The following FAT3 variants were observed in gnomAD, a reference collection of about 807,000 sequenced individuals.
FAT3 encodes FAT atypical cadherin 3.
In FAT3, 95 loss-of-function variants were observed where a neutral mutation model predicts 310.2. The observed-to-expected ratio is 0.31, with a 90% confidence interval of 0.26 to 0.36. The LOEUF (loss-of-function observed/expected upper bound fraction) is 0.36, where lower values mean the gene tolerates loss of function less well. Ranked by LOEUF, FAT3 falls within the 10% of genes least tolerant of loss-of-function variation. FAT3 has a pLI of 1.00. For synonymous variants in FAT3, 2,314 were observed against 2,192.9 expected (o/e 1.06, Z -1.54); for missense variants, 5,408 against 5,715.6 (o/e 0.95, Z 1.74).
intron 4 of FAT3, among the ~76,000 whole-genome samples, chr11:92,746,178 A>G (rs1433546767): frequency 1.3e-5 from 2 of 152,230 alleles, no homozygotes; most frequent in Admixed American, 6.5e-5. Context: ...GTCTGTTCTC[A>G]TGCTGCTAAT....
chr11:92,694,246 G>A (rs978209739), intron 3 of FAT3, among the ~76,000 whole-genome samples: 2 of 152,006 alleles, frequency 1.3e-5, no homozygotes, highest in South Asian at 2.1e-4. Flanking sequence ...ATTTCCTACC[G>A]ATTTCCACTT....
chr11:92,335,150 A>G (rs1948030333), intron 1 of FAT3, among the ~76,000 whole-genome samples: 3 of 151,790 alleles, frequency 2.0e-5, no homozygotes, highest in Non-Finnish European at 4.4e-5. Context: ...ATTTGTCCCC[A>G]TCTTATGTGT....
chr11:92,579,467 T>A (rs1187359394), intron 3 of FAT3, among the ~76,000 whole-genome samples: 1 of 152,132 alleles, frequency 6.6e-6, no homozygotes, highest in Non-Finnish European at 1.5e-5. Flanking sequence ...TGGAGATATA[T>A]TCAATAATAG....
chr11:92,290,174 C>A (rs1946655178), intron 1 of FAT3, among the ~76,000 whole-genome samples: 2 of 151,996 alleles, frequency 1.3e-5, no homozygotes, highest in Admixed American at 6.6e-5. Flanking sequence ...ATCTGAATAC[C>A]CTATTGCCTG....
chr11:92,753,798 G>GTGTGTGTATATATATATATATA, intron 4 of FAT3, among the ~76,000 whole-genome samples: 1 of 119,182 alleles, frequency 8.4e-6, no homozygotes, highest in African/African-American at 3.9e-5. Flanking sequence ...GTGTGTGTGT[G>GTGTGTGTATATATATATATATA]TATATATATA....
Position 92,883,823 on chromosome 11 carries a change from G to C in FAT3, c.12937+430G>C, listed in dbSNP as rs772203086. Among the ~76,000 whole-genome samples, 3 of 152,230 alleles carry C rather than the reference G, an allele frequency of 2.0e-5. No individual in the cohort carries two copies. The highest frequency in any genetic ancestry group is 4.4e-5 in the Non-Finnish European group (3 of 68,048). On this transcript the variant is annotated intron_variant, in intron 24 of 27. Transcript: ENST00000525166. The surrounding 1 kb of genome is among the most constrained non-coding windows in gnomAD (Gnocchi z 4.2). ...CAAAAAGCCACTTGAGTGATGTCCA[G>C]AAGTGTGCTCTGGAAGGCTGGAAGA... is the stretch of plus-strand genomic sequence containing the variant.
chr11:92,401,288 A>G (rs1950007593), intron 2 of FAT3, among the ~76,000 whole-genome samples: 2 of 152,178 alleles, frequency 1.3e-5, no homozygotes, highest in South Asian at 2.1e-4. Context: ...CTGGAACTCT[A>G]CCAGGTGCTC....
At chr11:92,270,023 C>T (rs576597992) in intron 1 of FAT3, among the ~76,000 whole-genome samples, 1 of 152,232 alleles carries the variant, frequency 6.6e-6, no homozygotes, top group Admixed American at 6.5e-5. Context: ...TGTCTGCTTA[C>T]TGTTTTGGCT....
At position 92,816,573 on chromosome 11, in the gene FAT3, G is replaced by A. The variant is rs531332215; in HGVS notation, c.9481+6497G>A. 3.3e-4 allele frequency among the ~76,000 whole-genome samples: 50 copies of A among 152,318 alleles called. 1 individual carries two copies. The highest frequency in any genetic ancestry group is 1.5e-3 in the Admixed American group (23 of 15,300). On this transcript the variant is annotated intron_variant, in intron 13 of 27. Coordinates refer to ENST00000525166, the MANE Select transcript of FAT3 (RefSeq NM_001367949.2). Reference sequence around the variant, plus strand: ...TACCTCTGCTGCAATGATGAAAGCAGGAAAGAACAACTGCCACAGTGGGTC... The same window carrying A: ...TACCTCTGCTGCAATGATGAAAGCAAGAAAGAACAACTGCCACAGTGGGTC...
intron 2 of FAT3, among the ~76,000 whole-genome samples, chr11:92,407,737 A>G (rs1950163466): frequency 6.6e-6 from 1 of 152,200 alleles, no homozygotes; most frequent in Non-Finnish European, 1.5e-5. Context: ...TCTGACACGT[A>G]TTAATTCCAG....
chr11:92,458,738 G>T (rs1047656007), intron 2 of FAT3, among the ~76,000 whole-genome samples: 7 of 152,126 alleles, frequency 4.6e-5, no homozygotes, highest in Admixed American at 1.3e-4. Context: ...ATATACTATA[G>T]AGAAAAATGA....
intron 7 of FAT3, among the ~76,000 whole-genome samples, chr11:92,780,606 C>A (rs141388775): frequency 6.6e-6 from 1 of 152,154 alleles, no homozygotes; most frequent in Non-Finnish European, 1.5e-5. Flanking sequence ...ATCCTGTTCT[C>A]TTAACCACTA....
At position 92,650,979 on chromosome 11, in the gene FAT3, T is replaced by C. The variant is rs569874243; in HGVS notation, c.3608-46405T>C. Among the ~76,000 whole-genome samples, 51 of 152,358 alleles carry C rather than the reference T, an allele frequency of 3.3e-4. 1 individual carries two copies. The Middle Eastern group carries it at 0.024, about 71-fold the overall frequency. ...ACCTCATCAGTAATGCAGCTTGCTC[T>C]CTGGAGTAAGCATTCCTTCGGATGA... On this transcript the variant is annotated intron_variant, in intron 3 of 27. Coordinates refer to ENST00000525166, the MANE Select transcript of FAT3 (RefSeq NM_001367949.2).
intron 2 of FAT3, among the ~76,000 whole-genome samples, chr11:92,493,777 T>C (rs1212222941): frequency 2.0e-5 from 3 of 152,040 alleles, no homozygotes; most frequent in Non-Finnish European, 1.5e-5. Flanking sequence ...ACAGACGTGC[T>C]GAAGGCTAGT....
chr11:92,308,317 A>G (rs1396295328), intron 1 of FAT3, among the ~76,000 whole-genome samples: 2 of 152,222 alleles, frequency 1.3e-5, no homozygotes, highest in African/African-American at 4.8e-5. Flanking sequence ...GGAATAAAAT[A>G]TTAGTGAATG....
chr11:92,565,347 C>A (rs11020002), intron 3 of FAT3, among the ~76,000 whole-genome samples: 31,257 of 113,180 alleles, frequency 0.28, 5,063 homozygotes, highest in Middle Eastern at 0.45. Context: ...GAAGAAGTTG[C>A]ATCTCTGAAT....
In FAT3 at chr11:92,896,391, A is replaced by AAACAC. The variant is rs1414923362; in HGVS notation, c.*5283_*5287dup. On this transcript the variant is annotated 3_prime_UTR_variant, in exon 28 of 28. Transcript: ENST00000525166. The stretch of plus-strand genomic sequence containing the variant: ...AAAAAGAAACAACAACAACAAAAAA[A>AAACAC]AACACAACAGTGTACAGGTTTGTAA... 6.6e-6 allele frequency: 1 copy of AAACAC among 152,126 alleles called. No individual in the cohort carries two copies. Among genetic ancestry groups the AAACAC allele is most frequent in the Non-Finnish European group, 1.5e-5 (1 of 68,028 alleles). 9.4% of individuals were successfully genotyped at this position (152,126 alleles called of 1,614,324 possible).
intron 9 of FAT3, among the ~76,000 whole-genome samples, chr11:92,795,876 C>G (rs539601226): frequency 2.0e-5 from 3 of 152,046 alleles, no homozygotes; most frequent in Non-Finnish European, 4.4e-5. Flanking sequence ...CCACTGCACT[C>G]CAGCCTGGAT....
At chr11:92,258,346 A>G (rs1865395472) in intron 1 of FAT3, among the ~76,000 whole-genome samples, 1 of 152,158 alleles carries the variant, frequency 6.6e-6, no homozygotes, top group Non-Finnish European at 1.5e-5. Context: ...AGCACTAGGT[A>G]TACAAAGGCA....
Sources: allele counts gnomAD v4.1 joint callset (sites outside exome capture counted in the v4.1 genomes callset), GRCh38; gene constraint gnomAD v4.1.1; non-coding constraint Gnocchi (gnomAD v3.1); transcripts MANE v1.5; gene names NCBI Gene and HGNC (gene_info 2026-07-23, HGNC 2026-07-21).